PKIG: variants seen among roughly 807,000 people sequenced by gnomAD.
PKIG encodes the protein protein kinase (cAMP-dependent, catalytic) inhibitor gamma.
PKIG carries 1 observed loss-of-function variant against 6.8 expected under a neutral mutation model. The ratio of observed to expected loss-of-function variants is 0.15; its 90% confidence interval spans 0.05 to 0.69. The LOEUF (loss-of-function observed/expected upper bound fraction) is 0.69. Ranked by LOEUF, PKIG falls within the 30% of genes least tolerant of loss-of-function variation. PKIG has a pLI of 0.82. For synonymous variants in PKIG, 39 were observed against 43.0 expected, an observed-to-expected ratio of 0.91 and a Z score of 0.36; for missense variants, 77 against 104.0, an observed-to-expected ratio of 0.74 and a Z score of 1.13.
rs766758563 is a variant in PKIG, at chr20:44,618,413, C to G, written c.*49C>G. 6.4e-6 allele frequency: 8 copies of G among 1,253,140 alleles called. No homozygotes were observed. The highest frequency in any genetic ancestry group is 1.5e-5 in the African/African-American group (1 of 68,148). 77.6% of individuals were successfully genotyped at this position (1,253,140 alleles called of 1,614,324 possible). On this transcript the variant is annotated 3_prime_UTR_variant, in exon 4 of 4. Transcript: ENST00000372886. Reference sequence around the variant, plus strand: ...GGACGAGAGACCTTCTGTCCCCTCCCAGAGGGGGAACCCTGGCACTGGCCC... The same window carrying G: ...GGACGAGAGACCTTCTGTCCCCTCCGAGAGGGGGAACCCTGGCACTGGCCC...
At chr20:44,558,677 C>T (rs2064741148) in intron 1 of PKIG, among the ~76,000 whole-genome samples, 1 of 142,328 alleles carries the variant, frequency 7.0e-6, no homozygotes, top group African/African-American at 2.6e-5. Context: ...CTCTCTCTTT[C>T]TTTCTTTCTC....
chr20:44,575,322 G>A (rs184635385), intron 1 of PKIG, among the ~76,000 whole-genome samples: 1 of 152,240 alleles, frequency 6.6e-6, no homozygotes, highest in African/African-American at 2.4e-5. Context: ...GGGTTCAAAC[G>A]ATGCTCCTGC....
intron 1 of PKIG, among the ~76,000 whole-genome samples, chr20:44,542,330 T>C (rs1363932110): frequency 6.6e-6 from 1 of 152,162 alleles, no homozygotes; most frequent in Non-Finnish European, 1.5e-5. Context: ...GCTTAATGAA[T>C]GTGAGTTATC....
chr20:44,615,460 C>T (rs1326065769), intron 3 of PKIG, among the ~76,000 whole-genome samples: 1 of 152,192 alleles, frequency 6.6e-6, no homozygotes, highest in African/African-American at 2.4e-5. Flanking sequence ...AACCACAGAC[C>T]GAATGACAAA....
chr20:44,547,809 C>T (rs553774905), intron 1 of PKIG, among the ~76,000 whole-genome samples: 2 of 152,108 alleles, frequency 1.3e-5, no homozygotes, highest in South Asian at 2.1e-4. Context: ...CCAAGGTGGG[C>T]GGATCATTTC....
At position 44,604,136 on chromosome 20, in the gene PKIG, T is replaced by G. The variant is rs180971675; in HGVS notation, c.-23-10398T>G. ...TGATGAAGCGTAACTGAGGCCATGA[T>G]TACTGCATGGAGAAAATGGGAAGAT... On this transcript the variant is annotated intron_variant, in intron 2 of 3. Transcript: ENST00000372886. Among the ~76,000 whole-genome samples the G allele has an allele frequency of 7.2e-5, 11 of 152,284 alleles. No homozygotes were observed. The East Asian group carries it at 2.1e-3, about 29-fold the overall frequency.
intron 1 of PKIG, among the ~76,000 whole-genome samples, chr20:44,557,300 G>A (rs188926322): frequency 1.2e-3 from 176 of 152,190 alleles, no homozygotes; most frequent in Admixed American, 2.0e-3. Context: ...AAGGAAGGTG[G>A]GTCACTTGAC....
At chr20:44,537,530 T>C (rs1477460565) in intron 1 of PKIG, among the ~76,000 whole-genome samples, 1 of 150,856 alleles carries the variant, frequency 6.6e-6, no homozygotes, top group Non-Finnish European at 1.5e-5. Flanking sequence ...CACCGTGCCC[T>C]GCCTGTGTTC....
At chr20:44,576,150 C>T (rs2064895358) in intron 1 of PKIG, among the ~76,000 whole-genome samples, 1 of 141,796 alleles carries the variant, frequency 7.1e-6, no homozygotes, top group African/African-American at 2.7e-5. Context: ...ATAGACTGGA[C>T]TAAGTAGAGT....
rs1290702310 is a variant in PKIG, at chr20:44,584,240, A to C, written c.-94+1509A>C. Reference sequence around the variant, plus strand: ...AACTTCAATTCCCCATGTCTCCACTAGACCATCTGCACCTTCTCTGCGTGT... The same window carrying C: ...AACTTCAATTCCCCATGTCTCCACTCGACCATCTGCACCTTCTCTGCGTGT... On this transcript the variant is annotated intron_variant, in intron 1 of 3. Transcript: ENST00000372886. Among the ~76,000 whole-genome samples, 7 of 152,322 alleles carry C rather than the reference A, an allele frequency of 4.6e-5. No individual in the cohort carries two copies. The South Asian group carries it at 1.0e-3, about 23-fold the overall frequency.
intron 2 of PKIG, among the ~76,000 whole-genome samples, chr20:44,592,095 A>G (rs1205480364): frequency 1.3e-5 from 2 of 152,244 alleles, no homozygotes; most frequent in Admixed American, 6.5e-5. Flanking sequence ...GCCATGTGCC[A>G]GATGTGATAA....
At chr20:44,609,989 C>G (rs2065199601) in intron 2 of PKIG, among the ~76,000 whole-genome samples, 1 of 152,164 alleles carries the variant, frequency 6.6e-6, no homozygotes, top group African/African-American at 2.4e-5. Flanking sequence ...TTATCATAAG[C>G]CATTTTCCTG....
intron 2 of PKIG, among the ~76,000 whole-genome samples, chr20:44,597,613 A>C (rs1417351620): frequency 6.6e-6 from 1 of 152,368 alleles, no homozygotes; most frequent in Non-Finnish European, 1.5e-5. Flanking sequence ...TCTTCAACCC[A>C]TGAAAGTCTG....
At chr20:44,573,100 G>T (rs1283287705) in intron 1 of PKIG, among the ~76,000 whole-genome samples, 1 of 152,228 alleles carries the variant, frequency 6.6e-6, no homozygotes, top group African/African-American at 2.4e-5. Context: ...AGTGGCACTG[G>T]TTGTCAGAAC....
intron 2 of PKIG, among the ~76,000 whole-genome samples, chr20:44,601,808 A>G (rs1314850110): frequency 6.6e-6 from 1 of 152,256 alleles, no homozygotes; most frequent in Non-Finnish European, 1.5e-5. Flanking sequence ...CCTTTCTAGT[A>G]TATTTGGAAA....
intron 3 of PKIG, among the ~76,000 whole-genome samples, chr20:44,616,087 G>A (rs750798908): frequency 1.3e-5 from 2 of 152,090 alleles, no homozygotes; most frequent in Non-Finnish European, 2.9e-5. Context: ...TACTTTGATC[G>A]CTCAGAAGCC....
intron 1 of PKIG, among the ~76,000 whole-genome samples, chr20:44,541,900 G>A (rs2064565173): frequency 1.3e-5 from 2 of 151,996 alleles, no homozygotes; most frequent in South Asian, 4.2e-4. Context: ...TGTTGGTCAG[G>A]CTGGTCTTGA....
At chr20:44,558,584 TTCTTTC>T (rs2064737483) in intron 1 of PKIG, among the ~76,000 whole-genome samples, 1 of 149,024 alleles carries the variant, frequency 6.7e-6, no homozygotes, top group African/African-American at 2.5e-5. Flanking sequence ...TTTTCTTTCT[TTCTTTC>T]TTTCTTTCTT....
chr20:44,533,394 G>T (rs1432800517), intron 1 of PKIG, among the ~76,000 whole-genome samples: 1 of 152,226 alleles, frequency 6.6e-6, no homozygotes, highest in South Asian at 2.1e-4. Flanking sequence ...TAGTAAGGAA[G>T]CAGGTCCCTG....
Sources: gnomAD v4.1 joint callset for allele counts (sites outside exome capture counted in the v4.1 genomes callset) on GRCh38, gnomAD v4.1.1 for gene constraint, MANE v1.5 for transcripts, NCBI Gene and HGNC (gene_info 2026-07-23, HGNC 2026-07-21) for gene names.